The following PJVK variants were observed in gnomAD, a reference collection of about 807,000 sequenced individuals.
The protein encoded by PJVK is pejvakin.
PJVK carries 33 observed loss-of-function variants against 37.6 expected under a neutral mutation model. The ratio of observed to expected loss-of-function variants is 0.88; its 90% confidence interval spans 0.67 to 1.17. PJVK has a LOEUF of 1.17. PJVK is among the 50% of genes most tolerant of loss of function. PJVK has a pLI of 0.00. For synonymous variants in PJVK, 141 were observed against 143.5 expected (o/e 0.98, Z 0.13); for missense variants, 410 against 413.8 (o/e 0.99, Z 0.08).
chr2:178,458,404 T>A lies in PJVK; in HGVS notation c.550-106T>A, dbSNP rs76996376. ...AGCAGAATAATCCTTTACTTGGGAA[T>A]TTTTTGTTTTGTTTTTGGTAGGATT... is the stretch of plus-strand genomic sequence containing the variant. On this transcript the variant is annotated intron_variant, in intron 4 of 6. Transcript: ENST00000644580. The A allele has an allele frequency of 0.014, 12,891 of 913,026 alleles. 114 individuals are homozygous for A. Among genetic ancestry groups the A allele is most frequent in the Middle Eastern group, 0.027 (88 of 3,310 alleles). 56.6% of individuals were successfully genotyped at this position (913,026 alleles called of 1,614,324 possible).
Position 178,461,272 on chromosome 2 carries a change from T to C in PJVK, c.1057T>C (p.Ter353GlnextTer4), listed in dbSNP as rs1221552483. The change falls in exon 7 of 7, where the codon TAA (stop) becomes CAA (glutamine). Residue 353 changes from the stop codon to glutamine, a stop_lost. Transcript: ENST00000644580. ...CFDIWHKRMK[*>Q] ...TGATATTTGGCACAAGAGGATGAAATAAAATGAAAAATGAATACACCGTGT... is the reference window on the plus strand; with the variant it reads ...TGATATTTGGCACAAGAGGATGAAACAAAATGAAAAATGAATACACCGTGT... 6.2e-7 allele frequency: 1 copy of C among 1,613,948 alleles called. No individual in the cohort carries two copies. Among genetic ancestry groups the C allele is most frequent in the Admixed American group, 1.7e-5 (1 of 60,018 alleles).
intron 1 of PJVK, 174 bp downstream of exon 1, chr2:178,451,943 C>G (rs978739027): frequency 1.5e-6 from 1 of 684,604 alleles, no homozygotes; most frequent in African/African-American, 1.9e-5. Flanking sequence ...CCTGTGCTTA[C>G]TCGGTGTTAT....
At position 178,451,779 on chromosome 2, in the gene PJVK, T is replaced by C; in HGVS notation, c.-23+10T>C. 3 of 985,342 alleles carry C rather than the reference T, an allele frequency of 3.0e-6. No individual in the cohort carries two copies. Among genetic ancestry groups the C allele is most frequent in the Non-Finnish European group, 3.6e-6 (3 of 829,914 alleles). The allele number at this position is 985,342 out of a possible 1,614,324, so 61.0% of individuals were successfully genotyped here. A position where few individuals can be genotyped will look rare whatever the true frequency, so the allele number is the denominator to read the frequency against. Reference sequence around the variant, plus strand: ...CGAGATGGAACGCTGGGTCAGTGCATCCCAGCAAAACACGTTAGGAGTAAA... The same window carrying C: ...CGAGATGGAACGCTGGGTCAGTGCACCCCAGCAAAACACGTTAGGAGTAAA... On this transcript the variant is annotated intron_variant, in intron 1 of 6. Transcript: ENST00000644580.
At chr2:178,452,391 A>G (rs552265337) in intron 1 of PJVK, 593 of 985,138 alleles carry the variant, frequency 6.0e-4, no homozygotes, top group Middle Eastern at 2.1e-3. Context: ...TAATCAAATT[A>G]TATCATCTGA....
intron 4 of PJVK, 45 bp from the exon 5 acceptor site, chr2:178,458,465 T>A (rs1684266537): frequency 6.9e-7 from 1 of 1,441,004 alleles, no homozygotes. Flanking sequence ...AAGCTATCCT[T>A]ACATGTTATG....
At chr2:178,460,919 T>C in intron 6 of PJVK, 63 bp from the exon 7 acceptor site, 1 of 1,427,044 alleles carries the variant, frequency 7.0e-7, no homozygotes, top group Non-Finnish European at 9.8e-7. Flanking sequence ...ATTAATGCTG[T>C]TTGCATTATG....
chr2:178,456,124 T>A lies in PJVK; in HGVS notation c.522T>A (p.His174Gln). The change falls in exon 4 of 7, where the codon CAT (histidine) becomes CAA (glutamine). Residue 174 changes from histidine to glutamine, a missense_variant. By Grantham distance (24) the His-to-Gln change is conservative. Transcript: ENST00000644580. ...CACGACAGTGCTCACTGTCTGTGCA[T>A]GCTGGAATTCGAGGGGAAGCAATGC... Reference protein sequence around the residue: ...RTTRQCSLSVHAGIRGEAMRF... With the variant: ...RTTRQCSLSVQAGIRGEAMRF... The A allele has an allele frequency of 6.2e-7, 1 of 1,614,154 alleles. No individual in the cohort carries two copies. Among genetic ancestry groups the A allele is most frequent in the Non-Finnish European group, 8.5e-7 (1 of 1,180,002 alleles).
At chr2:178,451,865 C>T (rs2154125750) in intron 1 of PJVK, 96 bp downstream of exon 1, 1 of 985,326 alleles carries the variant, frequency 1.0e-6, no homozygotes, top group South Asian at 4.7e-5. Context: ...GGATGCAGCA[C>T]CTTTGGTGGG....
chr2:178,452,243 A>G, intron 1 of PJVK: 3 of 942,054 alleles, frequency 3.2e-6, no homozygotes, highest in Non-Finnish European at 3.8e-6. Context: ...CAGTGAGCCG[A>G]GATCGCGCCA....
At chr2:178,454,903 G>A in intron 3 of PJVK, 1 of 934,872 alleles carries the variant, frequency 1.1e-6, no homozygotes, top group Non-Finnish European at 1.8e-6. Flanking sequence ...AAGGACAAAG[G>A]AAAACTGAAG....
At chr2:178,457,114 A>G (rs572143407) in intron 4 of PJVK, among the ~76,000 whole-genome samples, 1 of 152,158 alleles carries the variant, frequency 6.6e-6, no homozygotes, top group African/African-American at 2.4e-5. Flanking sequence ...GACTACAGGC[A>G]CCTGCCACCA....
In PJVK at chr2:178,451,707, G is replaced by C. The variant is rs1404952552; in HGVS notation, c.-85G>C. The C allele has an allele frequency of 2.1e-6, 2 of 933,574 alleles. No homozygotes were observed. Among genetic ancestry groups the C allele is most frequent in the Non-Finnish European group, 2.6e-6 (2 of 782,864 alleles). The allele number at this position is 933,574 out of a possible 1,614,324, so 57.8% of individuals were successfully genotyped here. ...AACACGCGGGGACGTCCAAACACCC[G>C]CTCCTCTCCCGCCGGGCGGGCTCCT... On this transcript the variant is annotated 5_prime_UTR_variant, in exon 1 of 7. Coordinates refer to ENST00000644580, the MANE Select transcript of PJVK (RefSeq NM_001042702.5).
At chr2:178,456,376 G>A (rs1444261391) in intron 4 of PJVK, 3 of 565,190 alleles carry the variant, frequency 5.3e-6, no homozygotes, top group Non-Finnish European at 9.4e-6. Flanking sequence ...AGTAATCCTT[G>A]TGAAATTACG....
intron 3 of PJVK, chr2:178,455,270 G>A: frequency 1.4e-6 from 2 of 1,450,140 alleles, no homozygotes; most frequent in Non-Finnish European, 1.9e-6. Flanking sequence ...GTCAGACCTG[G>A]ACAGTGAGAC....
In PJVK at chr2:178,461,048, A is replaced by G. The variant is rs773051843; in HGVS notation, c.833A>G (p.Tyr278Cys). Reference sequence around the variant, plus strand: ...TTGGATGATCTTTTTTCTGACTACTATGACAAACCTCTCAGCATGACTGAT... The same window carrying G: ...TTGGATGATCTTTTTTCTGACTACTGTGACAAACCTCTCAGCATGACTGAT... ...LYLDDLFSDY[Y>C]DKPLSMTDIS... The change falls in exon 7 of 7, where the codon TAT (tyrosine) becomes TGT (cysteine). Residue 278 changes from tyrosine to cysteine, a missense_variant. By Grantham distance (194) the Tyr-to-Cys change is radical (BLOSUM62 -2). Coordinates refer to ENST00000644580, the MANE Select transcript of PJVK (RefSeq NM_001042702.5). 6 of 1,613,914 alleles carry G rather than the reference A, an allele frequency of 3.7e-6. No homozygotes were observed. The highest frequency in any genetic ancestry group is 1.7e-5 in the Admixed American group (1 of 59,994).
chr2:178,459,301 G>T (rs1684334928), intron 5 of PJVK: 2 of 432,898 alleles, frequency 4.6e-6, no homozygotes, highest in Non-Finnish European at 9.8e-6. Context: ...ACCTGTTCTT[G>T]TTCATTTCTG....
rs375878040 is a variant in PJVK, at chr2:178,455,157, C to T, written c.407+630C>T. The T allele has an allele frequency of 2.4e-5, 39 of 1,600,708 alleles. No homozygotes were observed. In the African/African-American group the frequency reaches 5.1e-4, roughly 21 times the overall value. ...CTCATTGAGGACGGCAAGGTGGTGA[C>T]TGTGCATCTGGAGAAGATCAAGAAG... On this transcript the variant is annotated intron_variant, in intron 3 of 6. Coordinates refer to ENST00000644580, the MANE Select transcript of PJVK (RefSeq NM_001042702.5).
chr2:178,460,380 T>A lies in PJVK; in HGVS notation c.700T>A (p.Phe234Ile). The A allele has an allele frequency of 6.2e-7, 1 of 1,614,100 alleles. No homozygotes were observed. The highest frequency in any genetic ancestry group is 8.5e-7 in the Non-Finnish European group (1 of 1,179,994). Reference protein sequence around the residue: ...LCVTSVSKGGFEREETATFAL... With the variant: ...LCVTSVSKGGIEREETATFAL... ...TGTCACTTCAGTGTCAAAAGGAGGA[T>A]TTGAAAGGGAAGAAACGGCAACATT... The change falls in exon 6 of 7, where the codon TTT becomes ATT. Residue 234 changes from phenylalanine to isoleucine, a missense_variant. Transcript: ENST00000644580.
rs761546140 is a variant in PJVK, at chr2:178,456,019, CT to C, written c.420del (p.Phe140LeufsTer5). On this transcript the variant is annotated frameshift_variant, in exon 4 of 7. Coordinates refer to ENST00000644580, the MANE Select transcript of PJVK (RefSeq NM_001042702.5). LOFTEE classifies it high-confidence loss of function. ...ATCTTCTTTATTTTAGAAAAATTAA[CT>C]TTGACCACAGCTTGATACGTCAGTC... ...LKEITTRKIN[F>X]DHSLIRQSRS... 7.4e-6 allele frequency: 12 copies of C among 1,614,024 alleles called. No homozygotes were observed. The Admixed American group carries it at 1.0e-4, about 13-fold the overall frequency.
Sources: allele counts gnomAD v4.1 joint callset (sites outside exome capture counted in the v4.1 genomes callset), GRCh38; gene constraint gnomAD v4.1.1; transcripts MANE v1.5; gene names NCBI Gene and HGNC (gene_info 2026-07-23, HGNC 2026-07-21).